The following FRMPD1 variants were observed in gnomAD, a reference collection of about 807,000 sequenced individuals.
FRMPD1 encodes FERM and PDZ domain-containing protein 1.
Under a neutral mutation model 117.8 loss-of-function variants are expected in FRMPD1, and 76 were observed. That is an observed-to-expected ratio of 0.65 (90% CI 0.54 to 0.78). FRMPD1 has a LOEUF of 0.78. Ranked by LOEUF, FRMPD1 falls within the 30% of genes least tolerant of loss-of-function variation. The pLI is 0.00. For synonymous variants in FRMPD1, 783 were observed against 770.4 expected, an observed-to-expected ratio of 1.02 and a Z score of -0.27; for missense variants, 1,786 against 1,964.5, an observed-to-expected ratio of 0.91 and a Z score of 1.72.
chr9:37,715,719 G>A (rs1302949211), intron 5 of FRMPD1: 1 of 456,242 alleles, frequency 2.2e-6, no homozygotes, highest in Admixed American at 2.3e-5. Flanking sequence ...TAGATGCCAA[G>A]ATATTCATGG....
chr9:37,743,131 TCTC>T (rs1322267806), intron 15 of FRMPD1, among the ~76,000 whole-genome samples: 1 of 152,152 alleles, frequency 6.6e-6, no homozygotes, highest in Non-Finnish European at 1.5e-5. Context: ...CAATAGTGCC[TCTC>T]CTCCCAGAAA....
chr9:37,670,785 T>G (rs1821324679), intron 1 of FRMPD1, among the ~76,000 whole-genome samples: 1 of 152,212 alleles, frequency 6.6e-6, no homozygotes, highest in Non-Finnish European at 1.5e-5. Context: ...GAGGGAGACT[T>G]TCGTTGTTTT....
the FRMPD1 span, among the ~76,000 whole-genome samples, chr9:37,644,416 A>G: frequency 1.3e-5 from 2 of 152,198 alleles, no homozygotes; most frequent in Admixed American, 6.5e-5. Flanking sequence ...CCCTTTGCCA[A>G]TCCTGCACTG....
At chr9:37,742,611 AGATTTGGCCG>A (rs1346000931) in intron 15 of FRMPD1, among the ~76,000 whole-genome samples, 1 of 152,168 alleles carries the variant, frequency 6.6e-6, no homozygotes, top group African/African-American at 2.4e-5. Context: ...TAAAAACTAT[AGATTTGGCCG>A]GGCGCAGTGG....
chr9:37,682,726 T>C (rs1463336641), intron 1 of FRMPD1, among the ~76,000 whole-genome samples: 1 of 152,160 alleles, frequency 6.6e-6, no homozygotes, highest in Non-Finnish European at 1.5e-5. Context: ...CAGGTGCTTC[T>C]AATGCTTATA....
Position 37,729,695 on chromosome 9 carries a change from T to A in FRMPD1, c.613-33T>A, listed in dbSNP as rs112989259. ...GGCCAGGGAAGTCCTTCCTGTTTCTTGCGTAACTCCTGCACCTCTCTGTGC... is the reference window on the plus strand; with the variant it reads ...GGCCAGGGAAGTCCTTCCTGTTTCTAGCGTAACTCCTGCACCTCTCTGTGC... On this transcript the variant is annotated intron_variant, in intron 7 of 15. Coordinates refer to ENST00000377765, the MANE Select transcript of FRMPD1 (RefSeq NM_014907.3). 9.9e-5 allele frequency: 160 copies of A among 1,610,030 alleles called. 2 individuals carry two copies. In the African/African-American group the frequency reaches 1.6e-3, roughly 16 times the overall value.
At chr9:37,650,741 G>A (rs1029741329), upstream of FRMPD1, among the ~76,000 whole-genome samples, 3 of 152,126 alleles carry the variant, frequency 2.0e-5, no homozygotes, top group African/African-American at 7.2e-5. Context: ...GCAGGCGGCG[G>A]AGGCAGGGCC....
chr9:37,724,469 T>C, intron 7 of FRMPD1, 149 bp downstream of exon 7: 1 of 560,932 alleles, frequency 1.8e-6, no homozygotes, highest in Non-Finnish European at 3.2e-6. Flanking sequence ...CCATGTTATC[T>C]CATTTCGTTG....
At chr9:37,675,553 G>T (rs1370706924) in intron 1 of FRMPD1, among the ~76,000 whole-genome samples, 1 of 152,174 alleles carries the variant, frequency 6.6e-6, no homozygotes, top group Non-Finnish European at 1.5e-5. Context: ...GATATGGGGG[G>T]AGGGTACAAA....
At chr9:37,648,786 G>A (rs1281869660), upstream of FRMPD1, among the ~76,000 whole-genome samples, 2 of 152,252 alleles carry the variant, frequency 1.3e-5, no homozygotes, top group East Asian at 3.9e-4. Flanking sequence ...GGGGTAATTT[G>A]GGGGTAAGAT....
At chr9:37,613,339 C>T in the FRMPD1 span, among the ~76,000 whole-genome samples, 1 of 152,152 alleles carries the variant, frequency 6.6e-6, no homozygotes, top group Non-Finnish European at 1.5e-5. Context: ...TTGTACCTTA[C>T]AGGTGGTAGA....
the FRMPD1 span, chr9:37,637,313 T>G: frequency 8.2e-7 from 1 of 1,215,576 alleles, no homozygotes; most frequent in South Asian, 1.2e-5. Flanking sequence ...GGAAGCCCGC[T>G]CAGTCGCTCC....
chr9:37,711,218 A>G (rs1822897099), intron 4 of FRMPD1, 132 bp from the exon 5 acceptor site: 1 of 678,074 alleles, frequency 1.5e-6, no homozygotes, highest in African/African-American at 1.8e-5. Context: ...AAGCTAAGGC[A>G]AAGGAGGCTG....
At chr9:37,693,087 CTTT>C (rs1422347865) in intron 2 of FRMPD1, 1 of 240,552 alleles carries the variant, frequency 4.2e-6, no homozygotes, top group East Asian at 8.2e-5. Context: ...TACATACACT[CTTT>C]TGATCTCTCT....
the FRMPD1 span, among the ~76,000 whole-genome samples, chr9:37,604,391 G>A: frequency 8.5e-5 from 13 of 152,252 alleles, no homozygotes; most frequent in African/African-American, 2.9e-4. Flanking sequence ...AAATAACAGC[G>A]TGATTGTTAA....
At chr9:37,637,352 A>G in the FRMPD1 span, 3 of 813,224 alleles carry the variant, frequency 3.7e-6, no homozygotes, top group Non-Finnish European at 6.5e-6. Flanking sequence ...CTCCCGTTCC[A>G]AGATGGTGGC....
intron 1 of FRMPD1, among the ~76,000 whole-genome samples, chr9:37,685,701 T>A (rs570452951): frequency 1.3e-5 from 2 of 152,212 alleles, no homozygotes; most frequent in Non-Finnish European, 2.9e-5. Context: ...GTTTTGTGTG[T>A]TCCTTTTCCA....
At chr9:37,673,749 G>A (rs900515824) in intron 1 of FRMPD1, among the ~76,000 whole-genome samples, 2 of 152,264 alleles carry the variant, frequency 1.3e-5, no homozygotes, top group East Asian at 1.9e-4. Context: ...TCAACACCAC[G>A]TGGAAGCTGG....
intron 1 of FRMPD1, among the ~76,000 whole-genome samples, chr9:37,681,887 GA>G (rs1210491965): frequency 6.6e-6 from 1 of 152,200 alleles, no homozygotes; most frequent in Admixed American, 6.5e-5. Flanking sequence ...TACGAAGTTA[GA>G]AAACACAAGA....
Sources: gnomAD v4.1 joint callset for allele counts (sites outside exome capture counted in the v4.1 genomes callset) on GRCh38, gnomAD v4.1.1 for gene constraint, MANE v1.5 for transcripts, NCBI Gene and HGNC (gene_info 2026-07-23, HGNC 2026-07-21) for gene names.